Variants in ANO10 observed in about 807,000 individuals in gnomAD.
The protein encoded by ANO10 is anoctamin-10.
Under a neutral mutation model 74.7 loss-of-function variants are expected in ANO10, and 77 were observed. The ratio of observed to expected loss-of-function variants is 1.03; its 90% CI spans 0.86 to 1.25. The LOEUF is 1.25. Ranked by LOEUF, ANO10 falls within the 50% of genes most tolerant of loss-of-function variation. The probability of loss-of-function intolerance (pLI) is 0.00; values close to 1 mark genes in which losing one functional copy is unlikely to be tolerated. For missense variants in ANO10, 721 were observed against 778.1 expected, an observed-to-expected ratio of 0.93 and a Z score of 0.87; for synonymous variants, 279 against 284.9, an observed-to-expected ratio of 0.98 and a Z score of 0.21.
At chr3:43,448,643 C>A (rs772003208) in intron 11 of ANO10, among the ~76,000 whole-genome samples, 4 of 152,174 alleles carry the variant, frequency 2.6e-5, no homozygotes, top group Non-Finnish European at 5.9e-5. Context: ...ATGAATAAAG[C>A]TGCTATAAAC....
chr3:43,540,702 T>C (rs2078915868), intron 11 of ANO10, among the ~76,000 whole-genome samples: 1 of 152,118 alleles, frequency 6.6e-6, no homozygotes, highest in Admixed American at 6.5e-5. Context: ...CAATGCCCAC[T>C]CAGCAGGCCA....
At chr3:43,558,208 AT>A (rs2079855080) in intron 9 of ANO10, among the ~76,000 whole-genome samples, 1 of 152,166 alleles carries the variant, frequency 6.6e-6, no homozygotes, top group African/African-American at 2.4e-5. Flanking sequence ...AAATAATTAC[AT>A]TTCAAAAAAT....
intron 1 of ANO10, among the ~76,000 whole-genome samples, chr3:43,614,296 T>A (rs1219966435): frequency 6.6e-6 from 1 of 152,222 alleles, no homozygotes; most frequent in Non-Finnish European, 1.5e-5. Context: ...CAAACTCATA[T>A]ATTATTTGCT....
intron 1 of ANO10, among the ~76,000 whole-genome samples, chr3:43,654,608 C>T (rs563654903): frequency 1.8e-4 from 28 of 152,182 alleles, no homozygotes; most frequent in African/African-American, 6.7e-4. Flanking sequence ...GAACTAGTAA[C>T]ACAACCAAAC....
At chr3:43,582,446 C>CA (rs530833700) in intron 4 of ANO10, among the ~76,000 whole-genome samples, 96 of 137,012 alleles carry the variant, frequency 7.0e-4, no homozygotes, top group East Asian at 8.3e-4. Flanking sequence ...GACTCCGTCT[C>CA]AAAAAAAAAA....
intron 11 of ANO10, among the ~76,000 whole-genome samples, chr3:43,490,971 A>G (rs1488195638): frequency 1.3e-5 from 2 of 152,156 alleles, no homozygotes; most frequent in Non-Finnish European, 2.9e-5. Flanking sequence ...AGATCTCAGG[A>G]GTTGGACAAG....
chr3:43,460,772 C>T (rs1478737383), intron 11 of ANO10, among the ~76,000 whole-genome samples: 1 of 151,920 alleles, frequency 6.6e-6, no homozygotes, highest in African/African-American at 2.4e-5. Flanking sequence ...ATTCTGAGAA[C>T]AGGAGAGAGG....
intron 1 of ANO10, among the ~76,000 whole-genome samples, chr3:43,679,664 G>C (rs1178376635): frequency 1.3e-5 from 2 of 152,184 alleles, no homozygotes; most frequent in Non-Finnish European, 2.9e-5. Context: ...CCTGACCCTC[G>C]AGTAGCCTAA....
chr3:43,684,919 C>T (rs763330103), intron 1 of ANO10, among the ~76,000 whole-genome samples: 4 of 152,006 alleles, frequency 2.6e-5, no homozygotes, highest in South Asian at 4.2e-4. Flanking sequence ...CATCACACAC[C>T]GGGGCCTGTT....
chr3:43,387,604 A>C (rs1296139092), intron 12 of ANO10, among the ~76,000 whole-genome samples: 1 of 152,096 alleles, frequency 6.6e-6, no homozygotes, highest in Non-Finnish European at 1.5e-5. Context: ...CTGTGAAGAG[A>C]GACGGCAGCT....
At chr3:43,511,832 T>C (rs977710770) in intron 11 of ANO10, among the ~76,000 whole-genome samples, 6 of 152,196 alleles carry the variant, frequency 3.9e-5, no homozygotes, top group Non-Finnish European at 8.8e-5. Flanking sequence ...GGTAAGAGTG[T>C]AGATTTTTAC....
intron 11 of ANO10, among the ~76,000 whole-genome samples, chr3:43,473,155 C>CTT (rs34840714): frequency 2.0e-5 from 3 of 149,520 alleles, no homozygotes; most frequent in Non-Finnish European, 4.5e-5. Context: ...TCCAAAATGT[C>CTT]TTTTTTTTTT....
At chr3:43,488,555 A>G (rs1341580833) in intron 11 of ANO10, among the ~76,000 whole-genome samples, 2 of 152,190 alleles carry the variant, frequency 1.3e-5, no homozygotes, top group Non-Finnish European at 2.9e-5. Context: ...TGCAGCCAAA[A>G]GACACATGAA....
intron 3 of ANO10, among the ~76,000 whole-genome samples, chr3:43,599,850 G>A (rs1252043112): frequency 6.6e-6 from 1 of 151,538 alleles, no homozygotes; most frequent in Non-Finnish European, 1.5e-5. Context: ...AGCTTGCAGT[G>A]AGCCGAGATA....
chr3:43,589,103 A>C (rs1401535688), intron 4 of ANO10, among the ~76,000 whole-genome samples: 1 of 152,224 alleles, frequency 6.6e-6, no homozygotes, highest in Non-Finnish European at 1.5e-5. Flanking sequence ...AATGGAAGTC[A>C]GCAGGAAAAT....
In ANO10 at chr3:43,561,347, A is replaced by G. The variant is rs1259407782; in HGVS notation, c.1349T>C (p.Phe450Ser). The G allele has an allele frequency of 6.2e-7, 1 of 1,614,180 alleles. No individual in the cohort carries two copies. ...SQILNQIMES[F>S]LPYWLQRKHG... Reference sequence around the variant, plus strand: ...CTTCCTTTGGAGCCAATAAGGAAGAAAAGATTCCATAATTTGGTTGAGGAT... The same window carrying G: ...CTTCCTTTGGAGCCAATAAGGAAGAGAAGATTCCATAATTTGGTTGAGGAT... Residue 450 changes from phenylalanine (F) to serine (S), a missense_variant, in exon 9 of 13, where the codon TTT (phenylalanine) becomes TCT (serine). Transcript: ENST00000292246.
chr3:43,472,113 T>C (rs545739925), intron 11 of ANO10, among the ~76,000 whole-genome samples: 5 of 152,160 alleles, frequency 3.3e-5, no homozygotes, highest in Non-Finnish European at 7.4e-5. Context: ...CTCAAATGCA[T>C]TATGCCAAGT....
chr3:43,663,378 A>G (rs1047486937), intron 1 of ANO10, among the ~76,000 whole-genome samples: 2 of 152,226 alleles, frequency 1.3e-5, no homozygotes, highest in Admixed American at 1.3e-4. Flanking sequence ...CTAGGTATCA[A>G]TGGAACATAT....
At chr3:43,430,220 T>G (rs4420837) in intron 12 of ANO10, among the ~76,000 whole-genome samples, 2 of 151,962 alleles carry the variant, frequency 1.3e-5, no homozygotes, top group Non-Finnish European at 2.9e-5. Context: ...TTGTTATATA[T>G]GAAAATATTT....
Sources: allele counts gnomAD v4.1 joint callset (sites outside exome capture counted in the v4.1 genomes callset), GRCh38; gene constraint gnomAD v4.1.1; transcripts MANE v1.5; gene names NCBI Gene and HGNC (gene_info 2026-07-23, HGNC 2026-07-21).